The following NCOR1 variants were observed in gnomAD, a reference collection of about 807,000 sequenced individuals.
NCOR1 encodes nuclear receptor corepressor 1.
NCOR1 carries 63 observed loss-of-function variants against 288.1 expected under a neutral mutation model. That is an observed-to-expected ratio of 0.22 (90% CI 0.18 to 0.27). The LOEUF is 0.27. Among genes scored for constraint, NCOR1 ranks in the 10% least tolerant of loss-of-function variants. NCOR1 has a pLI of 1.00. For synonymous variants in NCOR1, 1,007 were observed against 1,065.9 expected (o/e 0.94, Z 1.08); for missense variants, 2,397 against 3,019.2 (o/e 0.79, Z 4.83).
chr17:16,130,419 A>T (rs1055421305), intron 14 of NCOR1, among the ~76,000 whole-genome samples: 4 of 151,722 alleles, frequency 2.6e-5, no homozygotes, highest in African/African-American at 4.8e-5. Flanking sequence ...CCACCCCTTC[A>T]AAAGAAACCC....
At chr17:16,122,632 T>C (rs1159588421) in intron 15 of NCOR1, 1 of 152,274 alleles carries the variant, frequency 6.6e-6, no homozygotes, top group East Asian at 1.9e-4. Context: ...ATCCTTTCTT[T>C]TGGGTTTCTG....
At chr17:16,125,298 G>C (rs961234963) in intron 15 of NCOR1, among the ~76,000 whole-genome samples, 1 of 152,216 alleles carries the variant, frequency 6.6e-6, no homozygotes, top group Non-Finnish European at 1.5e-5. Context: ...GGGAGGCAGA[G>C]GTTGCAGTGA....
intron 17 of NCOR1, 30 bp from the exon 18 acceptor site, chr17:16,118,057 T>C (rs752602263): frequency 5.6e-6 from 9 of 1,600,780 alleles, no homozygotes; most frequent in Middle Eastern, 1.7e-4. Context: ...CAAATGTTAA[T>C]TGAACAGTCA....
At chr17:16,117,309 C>T (rs987690778) in intron 18 of NCOR1, among the ~76,000 whole-genome samples, 4 of 151,950 alleles carry the variant, frequency 2.6e-5, no homozygotes, top group Non-Finnish European at 4.4e-5. Context: ...ATAGAAACTT[C>T]GGAGGAGGAA....
intron 1 of NCOR1, among the ~76,000 whole-genome samples, chr17:16,197,550 C>G (rs1467418011): frequency 6.6e-6 from 1 of 152,116 alleles, no homozygotes; most frequent in East Asian, 1.9e-4. Flanking sequence ...GATTACCCAA[C>G]TAACACTGAT....
intron 30 of NCOR1, 51 bp downstream of exon 30, chr17:16,071,357 TA>T: frequency 6.4e-7 from 1 of 1,569,864 alleles, no homozygotes; most frequent in Non-Finnish European, 8.6e-7. Context: ...CACACTTTTT[TA>T]AATGTTCCAT....
rs746457834 is a variant in NCOR1 at position 16,101,313 on chromosome 17, T to C, written c.2627A>G (p.Asp876Gly). The C allele has an allele frequency of 1.2e-6, 2 of 1,613,840 alleles. No individual in the cohort carries two copies. ...GCTGCACGTGGCACTGGAATCATTG[T>C]CTGACTGGGGCTCGGGCCTTTGGGC... ...INAQRPEPQS[D>G]NDSSATCSAD... Residue 876 changes from aspartate (D) to glycine (G), a missense_variant, in exon 20 of 46, where the codon GAC becomes GGC. By Grantham distance (94) the Asp-to-Gly change is moderately conservative. Coordinates refer to ENST00000268712, the MANE Select transcript of NCOR1 (RefSeq NM_006311.4).
chr17:16,168,969 A>G (rs1439679647), intron 4 of NCOR1, among the ~76,000 whole-genome samples: 1 of 152,100 alleles, frequency 6.6e-6, no homozygotes, highest in Non-Finnish European at 1.5e-5. Flanking sequence ...GTCTCAAAAA[A>G]AAAAAAAAAC....
At chr17:16,033,808 T>C (rs995010056) in intron 45 of NCOR1, among the ~76,000 whole-genome samples, 1 of 151,630 alleles carries the variant, frequency 6.6e-6, no homozygotes, top group African/African-American at 2.4e-5. Flanking sequence ...AGATGATGGC[T>C]TTTTTTGTTT....
intron 20 of NCOR1, among the ~76,000 whole-genome samples, chr17:16,100,234 A>G (rs1241142025): frequency 1.3e-5 from 2 of 152,160 alleles, no homozygotes; most frequent in South Asian, 4.1e-4. Flanking sequence ...AAAATATATT[A>G]AATAAAGTAA....
chr17:16,079,818 G>A, intron 26 of NCOR1, 146 bp downstream of exon 26: 1 of 588,698 alleles, frequency 1.7e-6, no homozygotes, highest in South Asian at 2.5e-5. Flanking sequence ...CGTCTCTGTG[G>A]AGACAGTTTG....
intron 14 of NCOR1, among the ~76,000 whole-genome samples, chr17:16,126,508 T>A (rs1333392076): frequency 6.6e-6 from 1 of 152,168 alleles, no homozygotes; most frequent in Non-Finnish European, 1.5e-5. Flanking sequence ...CCACATTTAA[T>A]CTGTCACTCA....
chr17:16,057,391 C>A, intron 40 of NCOR1, 123 bp downstream of exon 40: 1 of 948,430 alleles, frequency 1.1e-6, no homozygotes. Flanking sequence ...AGCTCATTTA[C>A]ACTTTCCTGG....
rs962771778 is a variant in NCOR1 at position 16,031,637 on chromosome 17, C to T, written c.*659G>A. 2 of 224,912 alleles carry T rather than the reference C, an allele frequency of 8.9e-6. No individual in the cohort carries two copies. Among genetic ancestry groups the T allele is most frequent in the East Asian group, 6.4e-5 (1 of 15,514 alleles). The allele number at this position is 224,912 out of a possible 1,614,324, so 13.9% of individuals were successfully genotyped here. A position where few individuals can be genotyped will look rare whatever the true frequency, so the allele number is the denominator to read the frequency against. ...AATTAAAGCCTGCACTGGAAATTTACAATATGGCAGAATTTGTTACTTTTA... is the reference window on the plus strand; with the variant it reads ...AATTAAAGCCTGCACTGGAAATTTATAATATGGCAGAATTTGTTACTTTTA... On this transcript the variant is annotated 3_prime_UTR_variant, in exon 46 of 46. Coordinates refer to ENST00000268712, the MANE Select transcript of NCOR1 (RefSeq NM_006311.4).
chr17:16,151,528 A>G, intron 8 of NCOR1: 1 of 1,186,050 alleles, frequency 8.4e-7, no homozygotes, highest in Non-Finnish European at 1.1e-6. Flanking sequence ...GCAATGGCAG[A>G]TGTGGCTTGG....
At chr17:16,145,009 G>C (rs530372104) in intron 10 of NCOR1, among the ~76,000 whole-genome samples, 3 of 152,180 alleles carry the variant, frequency 2.0e-5, no homozygotes, top group Non-Finnish European at 4.4e-5. Flanking sequence ...CAACCTCCCT[G>C]CCTGATTCTC....
chr17:16,040,307 C>G, intron 43 of NCOR1, 134 bp downstream of exon 43: 1 of 787,938 alleles, frequency 1.3e-6, no homozygotes, highest in Non-Finnish European at 2.2e-6. Context: ...CCTTCCTTCA[C>G]TAAATTATTT....
At chr17:16,143,315 C>T (rs1233921514) in intron 11 of NCOR1, among the ~76,000 whole-genome samples, 1 of 152,162 alleles carries the variant, frequency 6.6e-6, no homozygotes, top group African/African-American at 2.4e-5. Context: ...ATTACACTCG[C>T]CTATACATCC....
intron 6 of NCOR1, among the ~76,000 whole-genome samples, chr17:16,154,953 T>G (rs1340883681): frequency 6.6e-6 from 1 of 152,224 alleles, no homozygotes; most frequent in African/African-American, 2.4e-5. Context: ...GGATAATTCC[T>G]AGGATGCTGG....
Sources: gnomAD v4.1 joint callset for allele counts (sites outside exome capture counted in the v4.1 genomes callset) on GRCh38, gnomAD v4.1.1 for gene constraint, MANE v1.5 for transcripts, NCBI Gene and HGNC (gene_info 2026-07-23, HGNC 2026-07-21) for gene names.